FHIP1A: variants seen among roughly 807,000 people sequenced by gnomAD.
The protein encoded by FHIP1A is FHF complex subunit HOOK-interacting protein 1A.
A neutral mutation model predicts 88.6 loss-of-function variants in FHIP1A; 61 were observed. The ratio of observed to expected loss-of-function variants is 0.69; its 90% CI spans 0.56 to 0.85. The LOEUF (loss-of-function observed/expected upper bound fraction) is 0.85, where lower values mean the gene tolerates loss of function less well. Ranked by LOEUF, FHIP1A falls within the 40% of genes least tolerant of loss-of-function variation. The probability of loss-of-function intolerance (pLI) is 0.00; values close to 1 mark genes in which losing one functional copy is unlikely to be tolerated. For synonymous variants in FHIP1A, 478 were observed against 496.0 expected, an observed-to-expected ratio of 0.96 and a Z score of 0.48; for missense variants, 1,154 against 1,273.5, an observed-to-expected ratio of 0.91 and a Z score of 1.43.
intron 1 of FHIP1A, among the ~76,000 whole-genome samples, chr4:151,436,698 T>C (rs1405452127): frequency 6.6e-6 from 1 of 152,168 alleles, no homozygotes; most frequent in Non-Finnish European, 1.5e-5. Flanking sequence ...TATAAACCTG[T>C]GCTAGTCTAA....
rs985511815 is a variant in FHIP1A, at chr4:151,670,285, T to C, written c.*7531T>C. On this transcript the variant is annotated 3_prime_UTR_variant, in exon 14 of 14. Coordinates refer to ENST00000435205, the MANE Select transcript of FHIP1A (RefSeq NM_001109977.3). ...TGCCTGCAGCACACCACGATTATCA[T>C]GAGAGGTCAAGATTTTGATTTACTA... is the stretch of plus-strand genomic sequence containing the variant. 1 of 152,150 alleles carries C rather than the reference T, an allele frequency of 6.6e-6. No homozygotes were observed. The highest frequency in any genetic ancestry group is 2.4e-5 in the African/African-American group (1 of 41,426). 9.4% of individuals were successfully genotyped at this position (152,150 alleles called of 1,614,324 possible).
chr4:151,459,404 A>G (rs1014517889), intron 2 of FHIP1A, among the ~76,000 whole-genome samples: 5 of 152,196 alleles, frequency 3.3e-5, no homozygotes, highest in African/African-American at 1.2e-4. Flanking sequence ...GGGTGGGACC[A>G]AAAGTCCAGC....
intron 7 of FHIP1A, among the ~76,000 whole-genome samples, chr4:151,598,931 G>T (rs28454076): frequency 0.32 from 48,535 of 152,064 alleles, 7,775 homozygotes; most frequent in Non-Finnish European, 0.33. Flanking sequence ...TTTGTATGTT[G>T]TGTAGAAAAA....
intron 3 of FHIP1A, among the ~76,000 whole-genome samples, chr4:151,510,133 G>A (rs1347895836): frequency 4.0e-5 from 6 of 151,562 alleles, no homozygotes; most frequent in Non-Finnish European, 5.9e-5. Flanking sequence ...TGGAGTCATG[G>A]TCTCACTGTC....
intron 7 of FHIP1A, among the ~76,000 whole-genome samples, chr4:151,610,001 G>T (rs1560798100): frequency 6.6e-6 from 1 of 152,232 alleles, no homozygotes; most frequent in Non-Finnish European, 1.5e-5. Flanking sequence ...GAACCTAGAT[G>T]TAGTGGTATC....
At chr4:151,564,306 G>A (rs948110155) in intron 3 of FHIP1A, among the ~76,000 whole-genome samples, 2 of 152,210 alleles carry the variant, frequency 1.3e-5, no homozygotes, top group Non-Finnish European at 2.9e-5. Context: ...TGATCATTAT[G>A]TAACCTAAAT....
chr4:151,630,555 G>A (rs1370624822), intron 8 of FHIP1A, among the ~76,000 whole-genome samples: 3 of 152,016 alleles, frequency 2.0e-5, no homozygotes, highest in Non-Finnish European at 4.4e-5. Flanking sequence ...TAAACTTGAA[G>A]TAAATTCTGA....
At chr4:151,659,824 G>A (rs907981905) in intron 13 of FHIP1A, among the ~76,000 whole-genome samples, 12 of 152,212 alleles carry the variant, frequency 7.9e-5, no homozygotes, top group Non-Finnish European at 1.6e-4. Flanking sequence ...TCCAACAGCA[G>A]TAAAAGTCTG....
chr4:151,516,707 A>T (rs1731251735), intron 3 of FHIP1A, among the ~76,000 whole-genome samples: 1 of 152,244 alleles, frequency 6.6e-6, no homozygotes, highest in Non-Finnish European at 1.5e-5. Context: ...AAAAATGCTC[A>T]CCATTACTGG....
chr4:151,535,997 T>G (rs1374916068), intron 3 of FHIP1A, among the ~76,000 whole-genome samples: 1 of 152,248 alleles, frequency 6.6e-6, no homozygotes, highest in African/African-American at 2.4e-5. Flanking sequence ...AAAGGTTATG[T>G]GAGTTTCTCA....
Position 151,411,347 on chromosome 4 carries a change from A to C in FHIP1A, c.-356+1882A>C, listed in dbSNP as rs142778970. On this transcript the variant is annotated intron_variant, in intron 1 of 13. Coordinates refer to ENST00000435205, the MANE Select transcript of FHIP1A (RefSeq NM_001109977.3). ...GCCTCTGAGGAGTGAAATTATATAT[A>C]TATTTTTTTTTTTTTAAAGTTAGGG... Among the ~76,000 whole-genome samples, 49 of 132,130 alleles carry C rather than the reference A, an allele frequency of 3.7e-4. 2 individuals carry two copies. The highest frequency in any genetic ancestry group is 6.5e-4 in the East Asian group (3 of 4,602). The allele number at this position is 132,130 out of a possible 152,430, so 86.7% of individuals were successfully genotyped here.
At chr4:151,625,391 GT>G (rs1735915289) in intron 7 of FHIP1A, among the ~76,000 whole-genome samples, 1 of 152,158 alleles carries the variant, frequency 6.6e-6, no homozygotes, top group Non-Finnish European at 1.5e-5. Flanking sequence ...GGATCCATCT[GT>G]TTGTTCCAAT....
chr4:151,547,287 A>G (rs1327223052), intron 3 of FHIP1A, among the ~76,000 whole-genome samples: 1 of 152,036 alleles, frequency 6.6e-6, no homozygotes, highest in Admixed American at 6.6e-5. Flanking sequence ...TCTCTATTTT[A>G]GTGTGTAAAT....
chr4:151,566,480 A>G (rs1185635846), intron 4 of FHIP1A, 116 bp downstream of exon 4: 5 of 637,208 alleles, frequency 7.8e-6, no homozygotes, highest in Non-Finnish European at 1.4e-5. Context: ...AAACACAGGG[A>G]GGGAAACTCT....
intron 3 of FHIP1A, among the ~76,000 whole-genome samples, chr4:151,491,657 G>C (rs2126648001): frequency 6.6e-6 from 1 of 152,098 alleles, no homozygotes; most frequent in East Asian, 1.9e-4. Context: ...TACTAACGTT[G>C]AGCGTAAATG....
chr4:151,417,070 G>A (rs1048809471), intron 1 of FHIP1A, among the ~76,000 whole-genome samples: 1 of 152,168 alleles, frequency 6.6e-6, no homozygotes, highest in African/African-American at 2.4e-5. Context: ...CCAGTGGAGG[G>A]TGTGCAGGTT....
intron 1 of FHIP1A, among the ~76,000 whole-genome samples, chr4:151,409,772 G>A (rs1185575469): frequency 3.3e-5 from 5 of 152,102 alleles, no homozygotes; most frequent in African/African-American, 1.2e-4. Context: ...GAAGGAATAT[G>A]TCATTAGGGC....
chr4:151,631,360 G>C (rs1361740978), intron 8 of FHIP1A, among the ~76,000 whole-genome samples: 1 of 151,988 alleles, frequency 6.6e-6, no homozygotes, highest in Non-Finnish European at 1.5e-5. Context: ...TATGCCAAAG[G>C]ATGACTTAGA....
chr4:151,529,406 A>G (rs1004780443), intron 3 of FHIP1A, among the ~76,000 whole-genome samples: 1 of 152,180 alleles, frequency 6.6e-6, no homozygotes, highest in African/African-American at 2.4e-5. Flanking sequence ...GCCTGCTGCC[A>G]TCTAGCTTTA....
Sources: allele counts gnomAD v4.1 joint callset (sites outside exome capture counted in the v4.1 genomes callset), GRCh38; gene constraint gnomAD v4.1.1; transcripts MANE v1.5; gene names NCBI Gene and HGNC (gene_info 2026-07-23, HGNC 2026-07-21).